The following ARHGEF10L variants were observed in gnomAD, a reference collection of about 807,000 sequenced individuals.
ARHGEF10L encodes Rho guanine nucleotide exchange factor 10 like.
In ARHGEF10L, 69 loss-of-function variants were observed where a neutral mutation model predicts 141.2. The ratio of observed to expected loss-of-function variants is 0.49; its 90% CI spans 0.40 to 0.60. The LOEUF (loss-of-function observed/expected upper bound fraction) is 0.60, where lower values mean the gene tolerates loss of function less well. ARHGEF10L is among the 20% of genes least tolerant of loss of function. The probability of loss-of-function intolerance (pLI) is 0.00; values close to 1 mark genes in which losing one functional copy is unlikely to be tolerated. For synonymous variants in ARHGEF10L, 711 were observed against 718.5 expected (o/e 0.99, Z 0.17); for missense variants, 1,482 against 1,734.3 (o/e 0.85, Z 2.58).
At chr1:17,640,143 G>A in intron 20 of ARHGEF10L, 59 bp from the exon 21 acceptor site, 1 of 1,563,472 alleles carries the variant, frequency 6.4e-7, no homozygotes, top group Non-Finnish European at 8.7e-7. Flanking sequence ...CGTGACAGCT[G>A]GGGGAGCCTG....
chr1:17,579,570 T>G (rs1478174744), intron 1 of ARHGEF10L, among the ~76,000 whole-genome samples: 1 of 152,248 alleles, frequency 6.6e-6, no homozygotes, highest in Non-Finnish European at 1.5e-5. Flanking sequence ...TCGTTGGCAA[T>G]GCAAGAATGT....
Position 17,573,966 on chromosome 1 carries a change from T to C in ARHGEF10L, c.-43-6587T>C, listed in dbSNP as rs1413206347. On this transcript the variant is annotated intron_variant, in intron 1 of 28. Transcript: ENST00000361221. This position sits in a 1 kb window ranked among gnomAD's most constrained non-coding sequence, Gnocchi z 4.8. ...TCAGAGCTCCCCTCCCCCTCCCTGG[T>C]GAAGAGGAAAGGAAGTTGGAGCCGC... Among the ~76,000 whole-genome samples, 4 of 151,648 alleles carry C rather than the reference T, an allele frequency of 2.6e-5. No individual in the cohort carries two copies.
rs2063431760 is a variant in ARHGEF10L, at chr1:17,673,192, G to A, written c.3009+8597G>A. Reference sequence around the variant, plus strand: ...GTGGAGAGGACATATGGGACGGGAGGTGAGGAAGGGGAGCTGGCACGGCAG... The same window carrying A: ...GTGGAGAGGACATATGGGACGGGAGATGAGGAAGGGGAGCTGGCACGGCAG... On this transcript the variant is annotated intron_variant, in intron 26 of 28. Transcript: ENST00000361221. This position sits in a 1 kb window ranked among gnomAD's most constrained non-coding sequence, Gnocchi z 4.1. Among the ~76,000 whole-genome samples the A allele has an allele frequency of 6.6e-6, 1 of 152,184 alleles. No homozygotes were observed. The highest frequency in any genetic ancestry group is 1.5e-5 in the Non-Finnish European group (1 of 68,030).
upstream of ARHGEF10L, among the ~76,000 whole-genome samples, chr1:17,537,854 C>CAAAAAAAAAAAAAAAAAAAAAAAGAAAA (rs10611023): frequency 1.3e-5 from 1 of 79,844 alleles, no homozygotes; most frequent in Non-Finnish European, 2.4e-5. Flanking sequence ...ACCATCTCTA[C>CAAAAAAAAAAAAAAAAAAAAAAAGAAAA]AAAAAAAAAA....
Position 17,664,463 on chromosome 1 carries a change from C to T in ARHGEF10L, c.2877C>T (p.Asp959=). Residue 959 remains aspartate, a synonymous_variant, in exon 26 of 29, where the codon GAC becomes GAT. Coordinates refer to ENST00000361221, the MANE Select transcript of ARHGEF10L (RefSeq NM_018125.4). ...YPRTSGGVLW[D]LESPPVCLTV... ...TCCCTGCAGGAGGTGTCCTGTGGGA[C>T]CTGGAGAGCCCTCCCGTGTGCCTGA... 6.2e-7 allele frequency: 1 copy of T among 1,604,612 alleles called. No homozygotes were observed. Among genetic ancestry groups the T allele is most frequent in the Non-Finnish European group, 8.5e-7 (1 of 1,179,728 alleles).
chr1:17,546,749 T>C (rs2076930342), intron 1 of ARHGEF10L, among the ~76,000 whole-genome samples: 1 of 152,224 alleles, frequency 6.6e-6, no homozygotes, highest in African/African-American at 2.4e-5. Context: ...GCTGGGTTTG[T>C]TACCTTGTGG....
chr1:17,562,769 G>A (rs764681647), intron 1 of ARHGEF10L, among the ~76,000 whole-genome samples: 4 of 152,224 alleles, frequency 2.6e-5, no homozygotes, highest in Non-Finnish European at 4.4e-5. Context: ...AGGAGGAAGC[G>A]CAGCCCATGT....
At chr1:17,519,945 C>G in the ARHGEF10L span, among the ~76,000 whole-genome samples, 1 of 152,202 alleles carries the variant, frequency 6.6e-6, no homozygotes, top group Admixed American at 6.5e-5. Context: ...TTTCTGACTT[C>G]AAAGCATATT....
the ARHGEF10L span, among the ~76,000 whole-genome samples, chr1:17,526,198 G>A: frequency 1.6e-4 from 25 of 152,094 alleles, no homozygotes; most frequent in African/African-American, 4.3e-4. Flanking sequence ...CTTCCTCCCT[G>A]TGTGGCTGCA....
chr1:17,531,814 T>G, the ARHGEF10L span, among the ~76,000 whole-genome samples: 3 of 152,234 alleles, frequency 2.0e-5, no homozygotes, highest in Non-Finnish European at 4.4e-5. Context: ...CCCATTGTTC[T>G]GAGTGGAGAT....
intron 1 of ARHGEF10L, among the ~76,000 whole-genome samples, chr1:17,541,498 G>A (rs548248120): frequency 2.4e-4 from 36 of 152,328 alleles, no homozygotes; most frequent in African/African-American, 6.3e-4. Flanking sequence ...GGGGAGGGGC[G>A]AAAGCTGGTG....
Position 17,697,443 on chromosome 1 carries a change from G to A in ARHGEF10L, c.*63G>A, listed in dbSNP as rs372693507. 155 of 1,522,588 alleles carry A rather than the reference G, an allele frequency of 1.0e-4. No individual in the cohort carries two copies. The highest frequency in any genetic ancestry group is 5.2e-4 in the African/African-American group (38 of 72,424). The allele number at this position is 1,522,588 out of a possible 1,614,324, so 94.3% of individuals were successfully genotyped here. ...CTGACCAAGGCCACGCCCGGCTCTC[G>A]TGCTCTAGGACCTGCACGGGACTTG... On this transcript the variant is annotated 3_prime_UTR_variant, in exon 29 of 29. Transcript: ENST00000361221. This position sits in a 1 kb window ranked among gnomAD's most constrained non-coding sequence, Gnocchi z 4.8.
chr1:17,579,407 C>G (rs1316745199), intron 1 of ARHGEF10L, among the ~76,000 whole-genome samples: 2 of 152,160 alleles, frequency 1.3e-5, no homozygotes, highest in Non-Finnish European at 2.9e-5. Context: ...AGCACAGACT[C>G]CAGAGCCCCA....
At position 17,692,302 on chromosome 1, in the gene ARHGEF10L, A is replaced by AT. The variant is rs555562075; in HGVS notation, c.3185-2850dup. 1.8e-4 allele frequency among the ~76,000 whole-genome samples: 27 copies of AT among 151,748 alleles called. No individual in the cohort carries two copies. The South Asian group carries it at 5.2e-3, about 29-fold the overall frequency. On this transcript the variant is annotated intron_variant, in intron 27 of 28. Transcript: ENST00000361221. ...ACATTGCAGGGACGCTATGAATGTG[A>AT]TTTTTTGAGTTTGCATCATGTTGCC...
At position 17,654,486 on chromosome 1, in the gene ARHGEF10L, G is replaced by A. The variant is rs377050501; in HGVS notation, c.2395-150G>A. On this transcript the variant is annotated intron_variant, in intron 22 of 28. Coordinates refer to ENST00000361221, the MANE Select transcript of ARHGEF10L (RefSeq NM_018125.4). This position sits in a 1 kb window ranked among gnomAD's most constrained non-coding sequence, Gnocchi z 4.3. ...GAGCGTGTAGGAACTGCCTGGAGAA[G>A]CAGGCACTCGTGAAGCATGTTGCTT... 4 of 745,104 alleles carry A rather than the reference G, an allele frequency of 5.4e-6. No homozygotes were observed. The highest frequency in any genetic ancestry group is 4.9e-5 in the East Asian group (2 of 40,778). 46.2% of individuals were successfully genotyped at this position (745,104 alleles called of 1,614,324 possible).
rs1021862994 is a variant in ARHGEF10L at position 17,627,957 on chromosome 1, C to T, written c.1584+454C>T. On this transcript the variant is annotated intron_variant, in intron 15 of 28. Coordinates refer to ENST00000361221, the MANE Select transcript of ARHGEF10L (RefSeq NM_018125.4). This position sits in a 1 kb window ranked among gnomAD's most constrained non-coding sequence, Gnocchi z 4.0. ...AAAGAGGGAGCTGGCAAAGTGGCTTCGTGATTGTCCTTAACACAAGAAGAA... is the reference window on the plus strand; with the variant it reads ...AAAGAGGGAGCTGGCAAAGTGGCTTTGTGATTGTCCTTAACACAAGAAGAA... 2.0e-5 allele frequency among the ~76,000 whole-genome samples: 3 copies of T among 151,944 alleles called. No individual in the cohort carries two copies. Among genetic ancestry groups the T allele is most frequent in the African/African-American group, 4.8e-5 (2 of 41,438 alleles).
In ARHGEF10L at chr1:17,619,500, G is replaced by A; in HGVS notation, c.942+55G>A. 2 of 1,355,616 alleles carry A rather than the reference G, an allele frequency of 1.5e-6. No homozygotes were observed. The highest frequency in any genetic ancestry group is 1.0e-6 in the Non-Finnish European group (1 of 990,996). 84.0% of individuals were successfully genotyped at this position (1,355,616 alleles called of 1,614,324 possible). On this transcript the variant is annotated intron_variant, in intron 10 of 28. Coordinates refer to ENST00000361221, the MANE Select transcript of ARHGEF10L (RefSeq NM_018125.4). The surrounding 1 kb of genome is among the most constrained non-coding windows in gnomAD (Gnocchi z 5.0). ...CTGCAGGGGAAGGGGTGGCTTGGGG[G>A]TTCCAGCCTGTTCTCTGGGGCCACG... is the stretch of plus-strand genomic sequence containing the variant.
intron 26 of ARHGEF10L, among the ~76,000 whole-genome samples, chr1:17,687,121 C>T (rs2064669934): frequency 6.6e-6 from 1 of 152,260 alleles, no homozygotes; most frequent in South Asian, 2.1e-4. Context: ...GCCTTTGTCA[C>T]TTTAAATCAT....
At chr1:17,598,381 C>T (rs563757885) in intron 4 of ARHGEF10L, among the ~76,000 whole-genome samples, 24 of 152,268 alleles carry the variant, frequency 1.6e-4, no homozygotes, top group South Asian at 4.1e-4. Context: ...GGATTAGAGG[C>T]GTGAGCCACC....
Sources: allele counts gnomAD v4.1 joint callset (sites outside exome capture counted in the v4.1 genomes callset), GRCh38; gene constraint gnomAD v4.1.1; non-coding constraint Gnocchi (gnomAD v3.1); transcripts MANE v1.5; gene names NCBI Gene and HGNC (gene_info 2026-07-23, HGNC 2026-07-21).